The following CYP27B1 variants were observed in gnomAD, a reference collection of about 807,000 sequenced individuals.
CYP27B1 encodes cytochrome P450 family 27 subfamily B member 1.
CYP27B1 carries 46 observed loss-of-function variants against 54.8 expected under a neutral mutation model. The ratio of observed to expected loss-of-function variants is 0.84; its 90% CI spans 0.66 to 1.07. The LOEUF is 1.07. CYP27B1 is among the 50% of genes least tolerant of loss of function. CYP27B1 has a pLI of 0.00. For synonymous variants in CYP27B1, 292 were observed against 297.3 expected (o/e 0.98, Z 0.18); for missense variants, 674 against 692.2 (o/e 0.97, Z 0.30).
chr12:57,767,010 A>G lies in CYP27B1; in HGVS notation c.32T>C (p.Val11Ala). The change falls in exon 1 of 9, where the codon GTG becomes GCG. Residue 11 changes from valine (V) to alanine (A), a missense_variant. Physicochemically the swap from Val to Ala is moderately conservative, Grantham distance 64. Coordinates refer to ENST00000228606, the MANE Select transcript of CYP27B1 (RefSeq NM_000785.4). MTQTLKYASRVFHRVRWAPEL... is the reference protein window; with the variant it reads MTQTLKYASRAFHRVRWAPEL... ...GGGCGCCCAGCGGACGCGATGGAAC[A>G]CTCTGGAGGCGTACTTGAGGGTCTG... is the stretch of plus-strand genomic sequence containing the variant. The G allele has an allele frequency of 6.2e-7, 1 of 1,613,738 alleles. No individual in the cohort carries two copies. The highest frequency in any genetic ancestry group is 2.2e-5 in the East Asian group (1 of 44,856).
At position 57,765,527 on chromosome 12, in the gene CYP27B1, C is replaced by T. The variant is rs978280352; in HGVS notation, c.387-28G>A. The T allele has an allele frequency of 1.3e-6, 2 of 1,591,668 alleles. No homozygotes were observed. Among genetic ancestry groups the T allele is most frequent in the East Asian group, 4.5e-5 (2 of 44,168 alleles). On this transcript the variant is annotated intron_variant, in intron 2 of 8. Coordinates refer to ENST00000228606, the MANE Select transcript of CYP27B1 (RefSeq NM_000785.4). This position sits in a 1 kb window ranked among gnomAD's most constrained non-coding sequence, Gnocchi z 5.8. Reference sequence around the variant, plus strand: ...GCAGGGTTGAGGAGAGAGTGCGCATCGGGAAGGTGGGGACGGCTCGACGGG... The same window carrying T: ...GCAGGGTTGAGGAGAGAGTGCGCATTGGGAAGGTGGGGACGGCTCGACGGG...
rs1955330756 is a variant in CYP27B1, at chr12:57,763,018, G to C, written c.*124C>G. 1.3e-6 allele frequency: 1 copy of C among 742,132 alleles called. No individual in the cohort carries two copies. Among genetic ancestry groups the C allele is most frequent in the African/African-American group, 1.7e-5 (1 of 57,658 alleles). 46.0% of individuals were successfully genotyped at this position (742,132 alleles called of 1,614,324 possible). On this transcript the variant is annotated 3_prime_UTR_variant, in exon 9 of 9. Coordinates refer to ENST00000228606, the MANE Select transcript of CYP27B1 (RefSeq NM_000785.4). ...CAGGGCCGCCTCACACTTCACTATGGTGGTTCTATCCAGTTTGGTCAGATA... is the reference window on the plus strand; with the variant it reads ...CAGGGCCGCCTCACACTTCACTATGCTGGTTCTATCCAGTTTGGTCAGATA...
intron 1 of CYP27B1, 49 bp downstream of exon 1, chr12:57,766,798 A>G (rs1213493024): frequency 6.3e-7 from 1 of 1,598,920 alleles, no homozygotes; most frequent in African/African-American, 1.3e-5. Flanking sequence ...TGACGCTGTC[A>G]AAACCAGTTT....
In CYP27B1 at chr12:57,764,124, C is replaced by T. The variant is rs748494534; in HGVS notation, c.1189G>A (p.Val397Met). The T allele has an allele frequency of 6.8e-6, 11 of 1,613,942 alleles. No homozygotes were observed. Among genetic ancestry groups the T allele is most frequent in the Admixed American group, 1.7e-5 (1 of 60,020 alleles). The change falls in exon 7 of 9, where the codon GTG becomes ATG. Residue 397 changes from valine to methionine, a missense_variant. Transcript: ENST00000228606. ...NSRVPDKDIH[V>M]GDYIIPKNTL... Reference sequence around the variant, plus strand: ...TTTTTGGGGATAATATAGTCACCCACATGAATGTCTTTGTCTGGGACACGA... The same window carrying T: ...TTTTTGGGGATAATATAGTCACCCATATGAATGTCTTTGTCTGGGACACGA...
chr12:57,766,022 C>T lies in CYP27B1; in HGVS notation c.371G>A (p.Cys124Tyr). The change falls in exon 2 of 9, where the codon TGC (cysteine) becomes TAC (tyrosine). Residue 124 changes from cysteine (C) to tyrosine (Y), a missense_variant. Coordinates refer to ENST00000228606, the MANE Select transcript of CYP27B1 (RefSeq NM_000785.4). Reference sequence around the variant, plus strand: ...GAAGACTCACGCAGTGAGCAGTCCGCAAGCCCGCTGGCGGCAGCGGCGGTG... The same window carrying T: ...GAAGACTCACGCAGTGAGCAGTCCGTAAGCCCGCTGGCGGCAGCGGCGGTG... ...TEHRRCRQRA[C>Y]GLLTAEGEEW... 1 of 1,572,624 alleles carries T rather than the reference C, an allele frequency of 6.4e-7. No homozygotes were observed.
rs547387731 is a variant in CYP27B1, at chr12:57,766,171, C to A, written c.222G>T (p.Pro74=). ...LQVQGAAHFG[P]VWLASFGTVR... Reference sequence around the variant, plus strand: ...CTGTCCCAAAGCTGGCTAGCCACACCGGCCCGAAGTGCGCGGCGCCCTGCA... The same window carrying A: ...CTGTCCCAAAGCTGGCTAGCCACACAGGCCCGAAGTGCGCGGCGCCCTGCA... Residue 74 remains proline (P), a synonymous_variant, in exon 2 of 9, where the codon CCG becomes CCT. Transcript: ENST00000228606. The A allele has an allele frequency of 1.3e-6, 2 of 1,543,848 alleles. No individual in the cohort carries two copies. Among genetic ancestry groups the A allele is most frequent in the African/African-American group, 1.4e-5 (1 of 73,170 alleles).
chr12:57,767,048 G>A lies in CYP27B1; in HGVS notation c.-7C>T. Reference sequence around the variant, plus strand: ...ACTTGAGGGTCTGGGTCATGGTCTGGTTCAGGGTGCTCGCGAAAGAAAGCG... The same window carrying A: ...ACTTGAGGGTCTGGGTCATGGTCTGATTCAGGGTGCTCGCGAAAGAAAGCG... On this transcript the variant is annotated 5_prime_UTR_variant, in exon 1 of 9. Transcript: ENST00000228606. 2.5e-6 allele frequency: 4 copies of A among 1,614,054 alleles called. No individual in the cohort carries two copies. Among genetic ancestry groups the A allele is most frequent in the Non-Finnish European group, 3.4e-6 (4 of 1,179,916 alleles).
In CYP27B1 at chr12:57,765,005, C is replaced by T. The variant is rs759410154; in HGVS notation, c.790+6G>A. 1.2e-6 allele frequency: 2 copies of T among 1,613,898 alleles called. No individual in the cohort carries two copies. Among genetic ancestry groups the T allele is most frequent in the Non-Finnish European group, 1.7e-6 (2 of 1,180,038 alleles). On this transcript the variant is annotated splice_donor_region_variant and intron_variant, in intron 4 of 8. Coordinates refer to ENST00000228606, the MANE Select transcript of CYP27B1 (RefSeq NM_000785.4). The surrounding 1 kb of genome is among the most constrained non-coding windows in gnomAD (Gnocchi z 5.8). ...TCCCCCATTTCCACCTCGACCTGTGCCTTACCAAATGCAAACATCTGGTCC... is the reference window on the plus strand; with the variant it reads ...TCCCCCATTTCCACCTCGACCTGTGTCTTACCAAATGCAAACATCTGGTCC...
Position 57,766,114 on chromosome 12 carries a change from G to C in CYP27B1, c.279C>G (p.Leu93=). The change falls in exon 2 of 9, where the codon CTC becomes CTG. Residue 93 remains leucine (L), a synonymous_variant. Coordinates refer to ENST00000228606, the MANE Select transcript of CYP27B1 (RefSeq NM_000785.4). The part of the protein sequence containing the change: ...VRTVYVAAPA[L]VEELLRQEGP... ...CCTCCTGTCGCAGCAGCTCCTCGACGAGTGCAGGGGCAGCCACGTACACGG... is the reference window on the plus strand; with the variant it reads ...CCTCCTGTCGCAGCAGCTCCTCGACCAGTGCAGGGGCAGCCACGTACACGG... 6.5e-7 allele frequency: 1 copy of C among 1,546,066 alleles called. No homozygotes were observed. Among genetic ancestry groups the C allele is most frequent in the East Asian group, 2.4e-5 (1 of 41,308 alleles).
chr12:57,765,494 C>G lies in CYP27B1; in HGVS notation c.392G>C (p.Gly131Ala), dbSNP rs1955352588. ...QRACGLLTAE[G>A]EEWQRLRSLL... is the part of the protein sequence containing the mutation. ...ACTGCGGAGCCTTTGCCATTCTTCG[C>G]CTTCCCTGCAGGGTTGAGGAGAGAG... Residue 131 changes from glycine (G) to alanine (A), a missense_variant, in exon 3 of 9, where the codon GGC becomes GCC. Physicochemically the swap from Gly to Ala is moderately conservative, Grantham distance 60. Coordinates refer to ENST00000228606, the MANE Select transcript of CYP27B1 (RefSeq NM_000785.4). The surrounding 1 kb of genome is among the most constrained non-coding windows in gnomAD (Gnocchi z 5.8). 6.2e-7 allele frequency: 1 copy of G among 1,610,214 alleles called. No homozygotes were observed. The highest frequency in any genetic ancestry group is 1.1e-5 in the South Asian group (1 of 90,106).
Position 57,763,112 on chromosome 12 carries a change from G to T in CYP27B1, c.*30C>A. ...AATCTTATCCCTATGATGAATGAAAGGGTGATGATGACAGTCTCTTTCCAT... is the reference window on the plus strand; with the variant it reads ...AATCTTATCCCTATGATGAATGAAATGGTGATGATGACAGTCTCTTTCCAT... On this transcript the variant is annotated 3_prime_UTR_variant, in exon 9 of 9. Transcript: ENST00000228606. 1 of 1,465,042 alleles carries T rather than the reference G, an allele frequency of 6.8e-7. No individual in the cohort carries two copies. The highest frequency in any genetic ancestry group is 9.6e-7 in the Non-Finnish European group (1 of 1,045,102). 90.8% of individuals were successfully genotyped at this position (1,465,042 alleles called of 1,614,324 possible). A position where few individuals can be genotyped will look rare whatever the true frequency, so the allele number is the denominator to read the frequency against.
In CYP27B1 at chr12:57,762,698, C is replaced by G; in HGVS notation, c.*444G>C. 4.0e-6 allele frequency: 1 copy of G among 252,396 alleles called. No individual in the cohort carries two copies. The highest frequency in any genetic ancestry group is 7.8e-6 in the Non-Finnish European group (1 of 127,404). The allele number at this position is 252,396 out of a possible 1,614,324, so 15.6% of individuals were successfully genotyped here. The stretch of plus-strand genomic sequence containing the variant: ...CATAAAAAACAAATAAGGCTTCACC[C>G]TTCCTCTCAAAGAGCTTACATGCAA... On this transcript the variant is annotated 3_prime_UTR_variant, in exon 9 of 9. Coordinates refer to ENST00000228606, the MANE Select transcript of CYP27B1 (RefSeq NM_000785.4).
chr12:57,763,311 C>A, intron 8 of CYP27B1, 56 bp from the exon 9 acceptor site: 2 of 1,295,776 alleles, frequency 1.5e-6, no homozygotes, highest in African/African-American at 1.5e-5. Flanking sequence ...TGGGGGGATT[C>A]ATTGGTAATC....
chr12:57,766,684 A>G (rs1161544319), intron 1 of CYP27B1, among the ~76,000 whole-genome samples, 163 bp downstream of exon 1: 1 of 152,058 alleles, frequency 6.6e-6, no homozygotes, highest in Non-Finnish European at 1.5e-5. Context: ...GCTCTGCCCG[A>G]GTGTAGCCAC....
Position 57,763,242 on chromosome 12 carries a change from A to G in CYP27B1, c.1427T>C (p.Phe476Ser). 1 of 1,613,792 alleles carries G rather than the reference A, an allele frequency of 6.2e-7. No individual in the cohort carries two copies. Among genetic ancestry groups the G allele is most frequent in the Non-Finnish European group, 8.5e-7 (1 of 1,179,728 alleles). ...QMALAQILTHFEVQPEPGAAP... is the reference protein window; with the variant it reads ...QMALAQILTHSEVQPEPGAAP... ...CGCACCTGGCTCAGGCTGCACCTCA[A>G]AATGTGTTAGGATCTGGAAAGGGAA... Residue 476 changes from phenylalanine to serine, a missense_variant, in exon 9 of 9, where the codon TTT becomes TCT. Coordinates refer to ENST00000228606, the MANE Select transcript of CYP27B1 (RefSeq NM_000785.4).
chr12:57,765,404 A>G lies in CYP27B1; in HGVS notation c.482T>C (p.Val161Ala), dbSNP rs1955351476. 3.1e-6 allele frequency: 5 copies of G among 1,613,270 alleles called. No individual in the cohort carries two copies. Among genetic ancestry groups the G allele is most frequent in the Non-Finnish European group, 4.2e-6 (5 of 1,179,708 alleles). ...CAGACGCCGCACAAGGTCGCAGACT[A>G]CGTTGTTCAGGGTTCCGGCGTAGCG... ...AARYAGTLNN[V>A]VCDLVRRLRR... Residue 161 changes from valine to alanine, a missense_variant, in exon 3 of 9, where the codon GTA becomes GCA. Physicochemically the swap from Val to Ala is moderately conservative, Grantham distance 64. Coordinates refer to ENST00000228606, the MANE Select transcript of CYP27B1 (RefSeq NM_000785.4). The surrounding 1 kb of genome is among the most constrained non-coding windows in gnomAD (Gnocchi z 5.8).
intron 6 of CYP27B1, 51 bp from the exon 7 acceptor site, chr12:57,764,227 AG>A: frequency 6.4e-7 from 1 of 1,569,766 alleles, no homozygotes; most frequent in Non-Finnish European, 8.8e-7. Context: ...TAGGGGCTGC[AG>A]CCCCCTTCTC....
At position 57,763,121 on chromosome 12, in the gene CYP27B1, T is replaced by C; in HGVS notation, c.*21A>G. On this transcript the variant is annotated 3_prime_UTR_variant, in exon 9 of 9. Transcript: ENST00000228606. Reference sequence around the variant, plus strand: ...CCTATGATGAATGAAAGGGTGATGATGACAGTCTCTTTCCATGGGACTATC... The same window carrying C: ...CCTATGATGAATGAAAGGGTGATGACGACAGTCTCTTTCCATGGGACTATC... The C allele has an allele frequency of 1.3e-6, 2 of 1,518,822 alleles. No homozygotes were observed. Among genetic ancestry groups the C allele is most frequent in the South Asian group, 2.2e-5 (2 of 88,904 alleles). The allele number at this position is 1,518,822 out of a possible 1,614,324, so 94.1% of individuals were successfully genotyped here. A position where few individuals can be genotyped will look rare whatever the true frequency, so the allele number is the denominator to read the frequency against.
Position 57,764,935 on chromosome 12 carries a change from G to T in CYP27B1, c.791-9C>A. ...CTCCACGTGCCTCTGAGCTGCGTGG[G>T]TAGAAGGCACGTGAATACCTCGCTA... On this transcript the variant is annotated splice_polypyrimidine_tract_variant and intron_variant, in intron 4 of 8. Transcript: ENST00000228606. 6.2e-7 allele frequency: 1 copy of T among 1,614,100 alleles called. No individual in the cohort carries two copies. The highest frequency in any genetic ancestry group is 8.5e-7 in the Non-Finnish European group (1 of 1,180,026).
Sources: gnomAD v4.1 joint callset for allele counts (sites outside exome capture counted in the v4.1 genomes callset) on GRCh38, gnomAD v4.1.1 for gene constraint, Gnocchi (gnomAD v3.1) non-coding constraint, MANE v1.5 for transcripts, NCBI Gene and HGNC (gene_info 2026-07-23, HGNC 2026-07-21) for gene names.